TRNAU1AP: variants seen among roughly 807,000 people sequenced by gnomAD.
TRNAU1AP encodes tRNA selenocysteine 1 associated protein 1.
A neutral mutation model predicts 43.3 loss-of-function variants in TRNAU1AP; 33 were observed. The observed-to-expected ratio is 0.76, with a 90% CI of 0.58 to 1.02. TRNAU1AP has a LOEUF of 1.02. Ranked by LOEUF, TRNAU1AP falls within the 50% of genes least tolerant of loss-of-function variation. The pLI is 0.00. For synonymous variants in TRNAU1AP, 143 were observed against 129.1 expected (o/e 1.11, Z -0.73); for missense variants, 290 against 362.7 (o/e 0.80, Z 1.63).
chr1:28,560,712 C>A lies in TRNAU1AP; in HGVS notation c.205C>A (p.Pro69Thr), dbSNP rs1665386570. The A allele has an allele frequency of 1.9e-6, 3 of 1,613,968 alleles. No individual in the cohort carries two copies. Among genetic ancestry groups the A allele is most frequent in the Middle Eastern group, 3.3e-4 (2 of 6,060 alleles). Residue 69 changes from proline (P) to threonine (T), a missense_variant, in exon 3 of 9, where the codon CCC (proline) becomes ACC (threonine). Transcript: ENST00000373830. ...GTGTTTGCATAAAATTAATGGGAAA[C>A]CCCTTCCAGGAGCCACACCTGTAAG... ...EKCLHKINGK[P>T]LPGATPAKRF...
Position 28,562,584 on chromosome 1 carries a change from G to GT in TRNAU1AP, c.278+1199dup, listed in dbSNP as rs1300578163. On this transcript the variant is annotated intron_variant, in intron 4 of 8. Coordinates refer to ENST00000373830, the MANE Select transcript of TRNAU1AP (RefSeq NM_017846.5). ...ATTTTATTTTTCTTTGCACTTTTGT[G>GT]TTTTTTTTTTTTTGGAGACGGAGTC... Among the ~76,000 whole-genome samples the GT allele has an allele frequency of 9.1e-3, 1,313 of 144,238 alleles. 8 individuals carry two copies. Among genetic ancestry groups the GT allele is most frequent in the Admixed American group, 0.014 (200 of 14,350 alleles). The allele number at this position is 144,238 out of a possible 152,430, so 94.6% of individuals were successfully genotyped here. A position where few individuals can be genotyped will look rare whatever the true frequency, so the allele number is the denominator to read the frequency against.
intron 8 of TRNAU1AP, among the ~76,000 whole-genome samples, chr1:28,573,872 G>A (rs1665716336): frequency 6.6e-6 from 1 of 152,026 alleles, no homozygotes; most frequent in Non-Finnish European, 1.5e-5. Flanking sequence ...GGGAGATGGA[G>A]GTTTCGGTGA....
At chr1:28,556,998 T>G (rs1317175434) in intron 2 of TRNAU1AP, among the ~76,000 whole-genome samples, 1 of 145,124 alleles carries the variant, frequency 6.9e-6, no homozygotes, top group Non-Finnish European at 1.5e-5. Context: ...ATTTTTAGTA[T>G]AGATGGGATT....
intron 8 of TRNAU1AP, among the ~76,000 whole-genome samples, chr1:28,575,360 G>A (rs2124220032): frequency 6.6e-6 from 1 of 151,994 alleles, no homozygotes; most frequent in South Asian, 2.1e-4. Flanking sequence ...TCACCATGTT[G>A]GCCATGATGG....
At chr1:28,566,055 G>T (rs1295080526) in intron 5 of TRNAU1AP, among the ~76,000 whole-genome samples, 2 of 152,104 alleles carry the variant, frequency 1.3e-5, no homozygotes, top group Non-Finnish European at 2.9e-5. Flanking sequence ...GGTGGCTCAC[G>T]CCTGTAATCC....
Position 28,577,725 on chromosome 1 carries a change from T to C in TRNAU1AP, c.*89T>C, listed in dbSNP as rs1455425774. 2 of 1,364,804 alleles carry C rather than the reference T, an allele frequency of 1.5e-6. No individual in the cohort carries two copies. The highest frequency in any genetic ancestry group is 2.9e-5 in the African/African-American group (2 of 68,250). The allele number at this position is 1,364,804 out of a possible 1,614,324, so 84.5% of individuals were successfully genotyped here. A position where few individuals can be genotyped will look rare whatever the true frequency, so the allele number is the denominator to read the frequency against. ...TGTGAAACCTTTTTGGAAATATGATTTGTAAGATTTTAATAATGACTGTTT... is the reference window on the plus strand; with the variant it reads ...TGTGAAACCTTTTTGGAAATATGATCTGTAAGATTTTAATAATGACTGTTT... On this transcript the variant is annotated 3_prime_UTR_variant, in exon 9 of 9. Coordinates refer to ENST00000373830, the MANE Select transcript of TRNAU1AP (RefSeq NM_017846.5).
intron 8 of TRNAU1AP, among the ~76,000 whole-genome samples, chr1:28,573,474 A>C (rs903867760): frequency 6.6e-6 from 1 of 151,474 alleles, no homozygotes; most frequent in Non-Finnish European, 1.5e-5. Context: ...CCCCGTCTCT[A>C]CTAAAAATAA....
chr1:28,574,115 C>T (rs183460916), intron 8 of TRNAU1AP, among the ~76,000 whole-genome samples: 1 of 141,208 alleles, frequency 7.1e-6, no homozygotes, highest in Non-Finnish European at 1.5e-5. Context: ...GAGTCTTGCT[C>T]TGTCACCCAG....
At position 28,577,577 on chromosome 1, in the gene TRNAU1AP, A is replaced by G; in HGVS notation, c.805A>G (p.Met269Val). The change falls in exon 9 of 9, where the codon ATG becomes GTG. Residue 269 changes from methionine (M) to valine (V), a missense_variant. Met to Val is a conservative substitution (Grantham distance 21, BLOSUM62 1). Transcript: ENST00000373830. ...EQSEELYDAL[M>V]DCHWQPLDTV... Reference sequence around the variant, plus strand: ...GAGTGAGGAGCTGTATGACGCTCTGATGGACTGTCACTGGCAGCCCCTGGA... The same window carrying G: ...GAGTGAGGAGCTGTATGACGCTCTGGTGGACTGTCACTGGCAGCCCCTGGA... 1 of 1,614,138 alleles carries G rather than the reference A, an allele frequency of 6.2e-7. No homozygotes were observed. The highest frequency in any genetic ancestry group is 8.5e-7 in the Non-Finnish European group (1 of 1,180,002).
chr1:28,571,021 C>T (rs1297146213), intron 6 of TRNAU1AP, among the ~76,000 whole-genome samples, 155 bp from the exon 7 acceptor site: 5 of 151,946 alleles, frequency 3.3e-5, no homozygotes, highest in Admixed American at 2.0e-4. Flanking sequence ...GCCGAGATTG[C>T]GCCCCTGTAC....
intron 6 of TRNAU1AP, 148 bp downstream of exon 6, chr1:28,567,561 C>T: frequency 1.0e-6 from 1 of 965,314 alleles, no homozygotes; most frequent in Non-Finnish European, 1.5e-6. Flanking sequence ...TGCTGTTTGC[C>T]AGGCTGTGGG....
intron 1 of TRNAU1AP, 24 bp downstream of exon 1, chr1:28,553,161 G>A (rs1665173358): frequency 2.0e-6 from 3 of 1,499,808 alleles, no homozygotes; most frequent in African/African-American, 2.9e-5. Flanking sequence ...GCCGTCCGGG[G>A]TCTGAAGACA....
At chr1:28,565,107 A>G in intron 5 of TRNAU1AP, 1 of 420,096 alleles carries the variant, frequency 2.4e-6, no homozygotes, top group Non-Finnish European at 4.3e-6. Flanking sequence ...AGGATATAAT[A>G]TAAGTAAGTC....
At chr1:28,557,288 C>T (rs1196810074) in intron 2 of TRNAU1AP, among the ~76,000 whole-genome samples, 3 of 151,360 alleles carry the variant, frequency 2.0e-5, no homozygotes, top group Admixed American at 6.6e-5. Flanking sequence ...GGCATGGTGG[C>T]GGGCGCCTGT....
At chr1:28,573,265 C>T (rs1451404478) in intron 8 of TRNAU1AP, among the ~76,000 whole-genome samples, 2 of 42,284 alleles carry the variant, frequency 4.7e-5, no homozygotes, top group Non-Finnish European at 8.3e-5. Context: ...AACTCGACCT[C>T]GTGATCCGCC....
At chr1:28,564,975 C>A in intron 5 of TRNAU1AP, 141 bp downstream of exon 5, 1 of 972,494 alleles carries the variant, frequency 1.0e-6, no homozygotes, top group Non-Finnish European at 1.6e-6. Context: ...CAAATCCCAG[C>A]TCCAATACAG....
Position 28,571,863 on chromosome 1 carries a change from G to C in TRNAU1AP, c.694-4G>C. ...CCTAACCCACATCTCTGGTCTCTTG[G>C]CAGACATATGAAGAAGTTGGAGATG... On this transcript the variant is annotated splice_polypyrimidine_tract_variant and splice_region_variant and intron_variant, in intron 7 of 8. Transcript: ENST00000373830. 6.2e-7 allele frequency: 1 copy of C among 1,610,204 alleles called. No individual in the cohort carries two copies. The highest frequency in any genetic ancestry group is 8.5e-7 in the Non-Finnish European group (1 of 1,178,146).
At chr1:28,561,754 A>G (rs1197380381) in intron 4 of TRNAU1AP, among the ~76,000 whole-genome samples, 3 of 152,108 alleles carry the variant, frequency 2.0e-5, no homozygotes, top group African/African-American at 7.2e-5. Flanking sequence ...CCTGGGCAAC[A>G]TGGCAAAACC....
intron 4 of TRNAU1AP, among the ~76,000 whole-genome samples, chr1:28,562,210 A>G (rs1665426051): frequency 1.3e-5 from 2 of 152,248 alleles, no homozygotes; most frequent in South Asian, 4.1e-4. Flanking sequence ...TAACCCTATA[A>G]TTCTACTTTT....
Sources: gnomAD v4.1 joint callset for allele counts (sites outside exome capture counted in the v4.1 genomes callset) on GRCh38, gnomAD v4.1.1 for gene constraint, MANE v1.5 for transcripts, NCBI Gene and HGNC (gene_info 2026-07-23, HGNC 2026-07-21) for gene names.